ARHGAP39: variants seen among roughly 807,000 people sequenced by gnomAD.
ARHGAP39 encodes the protein Rho GTPase activating protein 39, also known as rho GTPase-activating protein 39.
A neutral mutation model predicts 106.9 loss-of-function variants in ARHGAP39; 44 were observed. The ratio of observed to expected loss-of-function variants is 0.41; its 90% CI spans 0.32 to 0.53. The LOEUF is 0.53. Among genes scored for constraint, ARHGAP39 ranks in the 20% least tolerant of loss-of-function variants. The pLI, the probability that ARHGAP39 is intolerant of heterozygous loss-of-function variation, is 0.21. For synonymous variants in ARHGAP39, 768 were observed against 693.2 expected, an observed-to-expected ratio of 1.11 and a Z score of -1.69; for missense variants, 1,496 against 1,577.3, an observed-to-expected ratio of 0.95 and a Z score of 0.87.
intron 2 of ARHGAP39, among the ~76,000 whole-genome samples, chr8:144,588,722 C>T (rs1010072773): frequency 1.3e-5 from 2 of 152,244 alleles, no homozygotes; most frequent in Non-Finnish European, 2.9e-5. Context: ...GGCAGCACGG[C>T]GGCACGGGGG....
chr8:144,536,608 G>T (rs1036532548), intron 7 of ARHGAP39, among the ~76,000 whole-genome samples: 2 of 152,192 alleles, frequency 1.3e-5, no homozygotes, highest in African/African-American at 4.8e-5. Context: ...CCCCTACATT[G>T]CAGCTGGCCC....
intron 1 of ARHGAP39, among the ~76,000 whole-genome samples, chr8:144,639,902 C>T (rs866082044): frequency 6.6e-6 from 1 of 152,166 alleles, no homozygotes; most frequent in Non-Finnish European, 1.5e-5. Context: ...GTTTGTTACA[C>T]GGATGCTTTG....
chr8:144,614,755 C>A (rs564439563), intron 1 of ARHGAP39, among the ~76,000 whole-genome samples: 1 of 152,220 alleles, frequency 6.6e-6, no homozygotes, highest in Non-Finnish European at 1.5e-5. Context: ...AGCATTTATT[C>A]TAGGGCTAAC....
intron 7 of ARHGAP39, among the ~76,000 whole-genome samples, chr8:144,535,549 G>C (rs1816920486): frequency 1.3e-5 from 2 of 152,264 alleles, no homozygotes; most frequent in Admixed American, 1.3e-4. Flanking sequence ...AATGAGCTTT[G>C]CAGGAAGGCG....
chr8:144,563,107 GATC>G (rs1167900954), intron 3 of ARHGAP39, among the ~76,000 whole-genome samples: 2 of 152,222 alleles, frequency 1.3e-5, no homozygotes, highest in East Asian at 3.8e-4. Context: ...AACTACAACT[GATC>G]ATGCTAAGAA....
chr8:144,689,047 C>T (rs1563740222), upstream of ARHGAP39, among the ~76,000 whole-genome samples: 1 of 152,130 alleles, frequency 6.6e-6, no homozygotes, highest in Non-Finnish European at 1.5e-5. Context: ...AGTTTAATCA[C>T]ATCCACACAT....
intron 1 of ARHGAP39, among the ~76,000 whole-genome samples, chr8:144,673,249 G>C (rs1406982278): frequency 6.6e-6 from 1 of 150,766 alleles, no homozygotes; most frequent in Non-Finnish European, 1.5e-5. Context: ...AAAAGAAACT[G>C]ATCAGGGACT....
intron 1 of ARHGAP39, among the ~76,000 whole-genome samples, chr8:144,675,162 G>A (rs953592053): frequency 3.3e-5 from 5 of 152,318 alleles, no homozygotes; most frequent in African/African-American, 4.8e-5. Flanking sequence ...TGCAACCAGC[G>A]TCATGGCAGC....
chr8:144,600,859 G>T (rs1446278910), intron 2 of ARHGAP39, among the ~76,000 whole-genome samples: 1 of 150,326 alleles, frequency 6.7e-6, no homozygotes, highest in Non-Finnish European at 1.5e-5. Flanking sequence ...CTGTGTGTGT[G>T]CATGGAAGCG....
At chr8:144,560,599 G>A (rs1818106373) in intron 3 of ARHGAP39, among the ~76,000 whole-genome samples, 1 of 152,222 alleles carries the variant, frequency 6.6e-6, no homozygotes, top group Non-Finnish European at 1.5e-5. Context: ...TGCTGTATCT[G>A]TATCTAACCC....
chr8:144,601,917 C>CTGTG (rs1187125351), intron 2 of ARHGAP39, among the ~76,000 whole-genome samples: 1 of 119,368 alleles, frequency 8.4e-6, no homozygotes. Flanking sequence ...GCTCGTGTAC[C>CTGTG]TGTGTGTGTG....
rs1208122246 is a variant in ARHGAP39, at chr8:144,547,503, G to C, written c.1583C>G (p.Pro528Arg). The C allele has an allele frequency of 2.0e-6, 3 of 1,504,388 alleles. No individual in the cohort carries two copies. Among genetic ancestry groups the C allele is most frequent in the Admixed American group, 2.1e-5 (1 of 48,272 alleles). The allele number at this position is 1,504,388 out of a possible 1,614,324, so 93.2% of individuals were successfully genotyped here. The stretch of plus-strand genomic sequence containing the variant: ...CACGGGGGCGAGGCTGGTCCCGCAC[G>C]GGGGCTGTTCCTCGGCCAGGGGCTG... ...VEQPLAEEQPPCGTSLAPVKR... is the reference protein window; with the variant it reads ...VEQPLAEEQPRCGTSLAPVKR... Residue 528 changes from proline (P) to arginine (R), a missense_variant, in exon 5 of 12, where the codon CCG (proline) becomes CGG (arginine). Around this residue, in one of 4 missense-constraint regions of ARHGAP39, gnomAD observed 905 missense variants for 816.4 expected, o/e 1.11. Coordinates refer to ENST00000377307, the MANE Select transcript of ARHGAP39 (RefSeq NM_025251.3). The surrounding 1 kb of genome is among the most constrained non-coding windows in gnomAD (Gnocchi z 5.2).
chr8:144,536,746 T>G (rs1226357858), intron 7 of ARHGAP39, among the ~76,000 whole-genome samples: 1 of 152,206 alleles, frequency 6.6e-6, no homozygotes, highest in African/African-American at 2.4e-5. Context: ...GCCCAGCAGA[T>G]GCCATCCTGG....
At chr8:144,685,246 G>A (rs1481962887) in intron 1 of ARHGAP39, among the ~76,000 whole-genome samples, 2 of 142,890 alleles carry the variant, frequency 1.4e-5, no homozygotes, top group African/African-American at 5.1e-5. Context: ...ACCGTGGACA[G>A]GGGCACACTC....
chr8:144,599,098 G>A (rs966724183), intron 2 of ARHGAP39, among the ~76,000 whole-genome samples: 2 of 152,170 alleles, frequency 1.3e-5, no homozygotes, highest in African/African-American at 4.8e-5. Context: ...CCGATGGCCC[G>A]GGGTTGGTGC....
At chr8:144,633,739 C>T (rs1290766528) in intron 1 of ARHGAP39, among the ~76,000 whole-genome samples, 2 of 152,138 alleles carry the variant, frequency 1.3e-5, no homozygotes, top group Non-Finnish European at 2.9e-5. Flanking sequence ...CAGGCTGGAG[C>T]GCAGTGGTGA....
intron 6 of ARHGAP39, among the ~76,000 whole-genome samples, chr8:144,542,709 T>C (rs1817247325): frequency 7.4e-6 from 1 of 135,910 alleles, no homozygotes; most frequent in Non-Finnish European, 1.5e-5. Flanking sequence ...GAAACTCAGG[T>C]GGGTGGATCA....
chr8:144,660,782 C>T (rs926794743), intron 1 of ARHGAP39, among the ~76,000 whole-genome samples: 1 of 152,116 alleles, frequency 6.6e-6, no homozygotes, highest in African/African-American at 2.4e-5. Context: ...GAGTTTGAGA[C>T]CAGTCTGGCC....
intron 1 of ARHGAP39, among the ~76,000 whole-genome samples, chr8:144,614,730 A>G (rs2130959711): frequency 6.6e-6 from 1 of 152,354 alleles, no homozygotes; most frequent in Non-Finnish European, 1.5e-5. Context: ...TGAGATTGTC[A>G]CACAGCAGCA....
Sources: gnomAD v4.1 joint callset for allele counts (sites outside exome capture counted in the v4.1 genomes callset) on GRCh38, gnomAD v4.1.1 for gene constraint, gnomAD v4.1.1 regional missense constraint, Gnocchi (gnomAD v3.1) non-coding constraint, MANE v1.5 for transcripts, NCBI Gene and HGNC (gene_info 2026-07-23, HGNC 2026-07-21) for gene names.